SDK1: variants seen among roughly 807,000 people sequenced by gnomAD.
SDK1 encodes the protein sidekick cell adhesion molecule 1, also known as protein sidekick-1.
SDK1 carries 157 observed loss-of-function variants against 245.5 expected under a neutral mutation model. The observed-to-expected ratio is 0.64, with a 90% CI of 0.56 to 0.73. The LOEUF (loss-of-function observed/expected upper bound fraction) is 0.73, where lower values mean the gene tolerates loss of function less well. SDK1 is among the 30% of genes least tolerant of loss of function. The probability of loss-of-function intolerance (pLI) is 0.00; values close to 1 mark genes in which losing one functional copy is unlikely to be tolerated. For synonymous variants in SDK1, 1,647 were observed against 1,278.5 expected, an observed-to-expected ratio of 1.29 and a Z score of -6.15; for missense variants, 3,583 against 3,002.3, an observed-to-expected ratio of 1.19 and a Z score of -4.52.
intron 11 of SDK1, 85 bp downstream of exon 11, chr7:3,969,509 C>G: frequency 2.0e-6 from 2 of 1,019,822 alleles, no homozygotes; most frequent in Non-Finnish European, 2.7e-6. Flanking sequence ...TGTCAGCATG[C>G]CCTTGGGCTT....
rs745830597 is a variant in SDK1, at chr7:3,947,530, TTGTGTG to T, written c.848-3359_848-3354del. 9.5e-3 allele frequency among the ~76,000 whole-genome samples: 1,332 copies of T among 140,434 alleles called. 11 individuals are homozygous for T. The highest frequency in any genetic ancestry group is 0.021 in the African/African-American group (812 of 38,038). The allele number at this position is 140,434 out of a possible 152,430, so 92.1% of individuals were successfully genotyped here. A position where few individuals can be genotyped will look rare whatever the true frequency, so the allele number is the denominator to read the frequency against. On this transcript the variant is annotated intron_variant, in intron 5 of 44. Coordinates refer to ENST00000404826, the MANE Select transcript of SDK1 (RefSeq NM_152744.4). ...TTTCCTTTTAAAAAGAAGTATTTGC[TTGTGTG>T]TGTGTGTGTGTGTGTGTGTGTGTGT...
At chr7:3,598,997 G>A (rs1374994490) in intron 1 of SDK1, among the ~76,000 whole-genome samples, 1 of 149,586 alleles carries the variant, frequency 6.7e-6, no homozygotes, top group African/African-American at 2.4e-5. Context: ...TTGCATGGTA[G>A]TTGCATGCTT....
intron 5 of SDK1, among the ~76,000 whole-genome samples, chr7:3,837,193 C>T (rs1206980337): frequency 1.3e-5 from 2 of 152,180 alleles, no homozygotes; most frequent in Non-Finnish European, 2.9e-5. Context: ...ATTCCTATTG[C>T]ATTTTCTTTC....
chr7:3,369,835 C>T lies in SDK1; in HGVS notation c.298+67951C>T, dbSNP rs182484378. On this transcript the variant is annotated intron_variant, in intron 1 of 44. Coordinates refer to ENST00000404826, the MANE Select transcript of SDK1 (RefSeq NM_152744.4). ...TTTTCACTTATTAAGAGTAAATATG[C>T]GCATTTATGGCGTGCAGTGTTTCAC... is the stretch of plus-strand genomic sequence containing the variant. 1.0e-3 allele frequency among the ~76,000 whole-genome samples: 154 copies of T among 152,172 alleles called. 1 individual carries two copies. Among genetic ancestry groups the T allele is most frequent in the African/African-American group, 3.3e-3 (138 of 41,504 alleles).
intron 1 of SDK1, among the ~76,000 whole-genome samples, chr7:3,342,269 T>C (rs1400476188): frequency 6.6e-6 from 1 of 152,136 alleles, no homozygotes; most frequent in Non-Finnish European, 1.5e-5. Context: ...GACATAAATG[T>C]AAAATTGTAA....
intron 14 of SDK1, among the ~76,000 whole-genome samples, chr7:4,008,655 A>C (rs1785692667): frequency 6.6e-6 from 1 of 152,242 alleles, no homozygotes; most frequent in African/African-American, 2.4e-5. Flanking sequence ...AAGGAATGTG[A>C]GCTGCTACTG....
At chr7:4,040,657 C>T (rs950579431) in intron 17 of SDK1, among the ~76,000 whole-genome samples, 1 of 152,120 alleles carries the variant, frequency 6.6e-6, no homozygotes, top group Admixed American at 6.6e-5. Context: ...AAAGATTGGT[C>T]AGACCAGGTG....
chr7:4,266,470 G>A lies in SDK1; in HGVS notation c.*1086G>A. ...CCTCCCTCTGTCCTGGCTTCTGCTG[G>A]CTGCTCGCAGCAGCCACCGCTTCTC... On this transcript the variant is annotated 3_prime_UTR_variant, in exon 45 of 45. Transcript: ENST00000404826. 1 of 985,372 alleles carries A rather than the reference G, an allele frequency of 1.0e-6. No individual in the cohort carries two copies. The highest frequency in any genetic ancestry group is 1.2e-6 in the Non-Finnish European group (1 of 829,924). The allele number at this position is 985,372 out of a possible 1,614,324, so 61.0% of individuals were successfully genotyped here. A position where few individuals can be genotyped will look rare whatever the true frequency, so the allele number is the denominator to read the frequency against.
At chr7:3,717,056 T>C (rs948167350) in intron 4 of SDK1, among the ~76,000 whole-genome samples, 10 of 152,188 alleles carry the variant, frequency 6.6e-5, no homozygotes, top group African/African-American at 2.2e-4. Flanking sequence ...CTTAAGACTA[T>C]TAGATTTTAA....
intron 1 of SDK1, among the ~76,000 whole-genome samples, chr7:3,488,913 G>T (rs1261851519): frequency 6.6e-6 from 1 of 151,634 alleles, no homozygotes; most frequent in Non-Finnish European, 1.5e-5. Context: ...CCGTGTGTGT[G>T]TGTGTGTGTG....
At chr7:4,183,749 C>A (rs7793543) in intron 35 of SDK1, among the ~76,000 whole-genome samples, 6,473 of 152,212 alleles carry the variant, frequency 0.043, 223 homozygotes, top group African/African-American at 0.088. Flanking sequence ...GCAGTTTCCA[C>A]CCCCAAACGA....
intron 1 of SDK1, among the ~76,000 whole-genome samples, chr7:3,437,369 T>C (rs996119158): frequency 3.9e-5 from 6 of 152,164 alleles, no homozygotes; most frequent in African/African-American, 1.2e-4. Flanking sequence ...TAAAGAATGT[T>C]TTAGCATAAT....
At chr7:3,720,512 C>T (rs1158634462) in intron 4 of SDK1, among the ~76,000 whole-genome samples, 1 of 152,118 alleles carries the variant, frequency 6.6e-6, no homozygotes, top group Non-Finnish European at 1.5e-5. Flanking sequence ...AAAATATAAA[C>T]TGAAACCACA....
chr7:4,132,210 CAG>C, intron 27 of SDK1, 113 bp from the exon 28 acceptor site: 1 of 780,302 alleles, frequency 1.3e-6, no homozygotes, highest in Non-Finnish European at 2.1e-6. Flanking sequence ...AAACCCACGA[CAG>C]TGTAGCCTGT....
At chr7:3,342,658 A>G (rs1383508793) in intron 1 of SDK1, among the ~76,000 whole-genome samples, 1 of 152,184 alleles carries the variant, frequency 6.6e-6, no homozygotes, top group African/African-American at 2.4e-5. Context: ...TCTTTACACC[A>G]AAATCACAAT....
rs187813102 is a variant in SDK1, at chr7:4,091,258, G to C, written c.3324+11674G>C. ...ACTTTTCTATATCTACAAAGGCAAT[G>C]ATCCTTACTGGGGCATTCTGTCTCA... On this transcript the variant is annotated intron_variant, in intron 22 of 44. Transcript: ENST00000404826. Among the ~76,000 whole-genome samples, 4 of 151,180 alleles carry C rather than the reference G, an allele frequency of 2.6e-5. No individual in the cohort carries two copies. The East Asian group carries it at 7.8e-4, about 29-fold the overall frequency.
chr7:3,489,429 A>C (rs1781802457), intron 1 of SDK1, among the ~76,000 whole-genome samples: 1 of 152,034 alleles, frequency 6.6e-6, no homozygotes, highest in African/African-American at 2.4e-5. Flanking sequence ...ATAAAATTCT[A>C]CTCCTGTTAG....
rs191125469 is a variant in SDK1, at chr7:4,165,130, G to A, written c.4800+3274G>A. ...GGCCAGCACTTTGGGAGGCTGAGGC[G>A]GGTGGATCACCTGAGGTCAGGAGTT... On this transcript the variant is annotated intron_variant, in intron 32 of 44. Coordinates refer to ENST00000404826, the MANE Select transcript of SDK1 (RefSeq NM_152744.4). Among the ~76,000 whole-genome samples the A allele has an allele frequency of 3.6e-3, 554 of 152,124 alleles. 3 individuals carry two copies. Among genetic ancestry groups the A allele is most frequent in the African/African-American group, 0.013 (530 of 41,480 alleles).
chr7:3,777,317 A>G (rs772700867), intron 4 of SDK1, among the ~76,000 whole-genome samples: 3 of 152,188 alleles, frequency 2.0e-5, no homozygotes, highest in Non-Finnish European at 4.4e-5. Flanking sequence ...TGTTTAATAG[A>G]TATTCCTAAG....
Sources: allele counts gnomAD v4.1 joint callset (sites outside exome capture counted in the v4.1 genomes callset), GRCh38; gene constraint gnomAD v4.1.1; transcripts MANE v1.5; gene names NCBI Gene and HGNC (gene_info 2026-07-23, HGNC 2026-07-21).